Variants in NUBPL observed in about 807,000 individuals in gnomAD.
NUBPL encodes the protein NUBP iron-sulfur cluster assembly factor, mitochondrial.
NUBPL carries 31 observed loss-of-function variants against 45.7 expected under a neutral mutation model. That is an observed-to-expected ratio of 0.68 (90% CI 0.51 to 0.92). The LOEUF (loss-of-function observed/expected upper bound fraction) is 0.92, where lower values mean the gene tolerates loss of function less well. Ranked by LOEUF, NUBPL falls within the 40% of genes least tolerant of loss-of-function variation. The pLI is 0.00. For missense variants in NUBPL, 401 were observed against 398.7 expected (o/e 1.01, Z -0.05); for synonymous variants, 144 against 140.9 (o/e 1.02, Z -0.15).
chr14:31,809,686 C>G (rs2039762086), intron 7 of NUBPL, among the ~76,000 whole-genome samples: 2 of 152,124 alleles, frequency 1.3e-5, no homozygotes, highest in South Asian at 4.1e-4. Flanking sequence ...TCTTGCTTCT[C>G]TAGTTCTTTT....
intron 3 of NUBPL, among the ~76,000 whole-genome samples, chr14:31,596,804 A>G (rs1440237502): frequency 6.6e-6 from 1 of 152,186 alleles, no homozygotes; most frequent in Non-Finnish European, 1.5e-5. Context: ...TTTCTCATTC[A>G]TGAGTATGGA....
intron 4 of NUBPL, 126 bp from the exon 5 acceptor site, chr14:31,673,229 C>A (rs899234048): frequency 3.3e-5 from 23 of 706,072 alleles, no homozygotes; most frequent in Non-Finnish European, 5.2e-5. Flanking sequence ...TTACGTTGTA[C>A]CCCGTAAACA....
intron 7 of NUBPL, among the ~76,000 whole-genome samples, chr14:31,810,070 G>T (rs931417575): frequency 2.4e-4 from 37 of 152,206 alleles, no homozygotes; most frequent in African/African-American, 8.0e-4. Flanking sequence ...GTGTGATGTG[G>T]TGCTGAGAAG....
chr14:31,764,312 A>G (rs190091429), intron 6 of NUBPL, among the ~76,000 whole-genome samples: 119 of 152,246 alleles, frequency 7.8e-4, no homozygotes, highest in African/African-American at 1.8e-3. Flanking sequence ...AACTGAGATG[A>G]TTTTCACCAA....
chr14:31,709,852 T>G (rs959788147), intron 6 of NUBPL, among the ~76,000 whole-genome samples: 1 of 152,080 alleles, frequency 6.6e-6, no homozygotes, highest in African/African-American at 2.4e-5. Flanking sequence ...CAGGGGAGAT[T>G]AGAGGAGGAT....
intron 4 of NUBPL, among the ~76,000 whole-genome samples, chr14:31,661,310 T>G (rs192231236): frequency 1.5e-3 from 224 of 152,356 alleles, no homozygotes; most frequent in Middle Eastern, 0.014. Context: ...TTCAAAAAGC[T>G]ATTATTCACA....
chr14:31,683,278 A>G (rs2036875473), intron 6 of NUBPL, among the ~76,000 whole-genome samples: 1 of 151,672 alleles, frequency 6.6e-6, no homozygotes, highest in African/African-American at 2.4e-5. Flanking sequence ...TTTTAACTAT[A>G]CATCCATTAT....
intron 4 of NUBPL, among the ~76,000 whole-genome samples, chr14:31,657,877 A>G (rs1321309257): frequency 6.6e-6 from 1 of 152,304 alleles, no homozygotes; most frequent in Non-Finnish European, 1.5e-5. Context: ...AGAATTTGCT[A>G]CTTCAAAAAC....
Position 31,562,094 on chromosome 14 carries a change from A to G in NUBPL, c.135A>G (p.Leu45=), listed in dbSNP as rs1555310841. Residue 45 remains leucine, a synonymous_variant, in exon 2 of 11, where the codon CTA becomes CTG. Transcript: ENST00000281081. Reference sequence around the variant, plus strand: ...TGTCTGGCGCCGGGAGTGAGACCCTAAAACAAAGAAGAACACAAATCATGT... The same window carrying G: ...TGTCTGGCGCCGGGAGTGAGACCCTGAAACAAAGAAGAACACAAATCATGT... ...RQLSGAGSET[L]KQRRTQIMSR... 1 of 1,609,080 alleles carries G rather than the reference A, an allele frequency of 6.2e-7. No homozygotes were observed. The highest frequency in any genetic ancestry group is 8.5e-7 in the Non-Finnish European group (1 of 1,177,094).
rs577825258 is a variant in NUBPL at position 31,668,581 on chromosome 14, G to T, written c.383-4774G>T. The stretch of plus-strand genomic sequence containing the variant: ...GAGTGAACGGTTCTGTCACACTGGG[G>T]TTCCAGGTGCCATTGGGGTATGAAA... On this transcript the variant is annotated intron_variant, in intron 4 of 10. Transcript: ENST00000281081. 5.3e-5 allele frequency among the ~76,000 whole-genome samples: 8 copies of T among 152,280 alleles called. No individual in the cohort carries two copies. In the East Asian group the frequency reaches 1.5e-3, roughly 29 times the overall value.
chr14:31,655,239 G>A lies in NUBPL; in HGVS notation c.383-18116G>A, dbSNP rs138949565. Among the ~76,000 whole-genome samples the A allele has an allele frequency of 3.9e-5, 6 of 152,304 alleles. No homozygotes were observed. In the East Asian group the frequency reaches 1.2e-3, roughly 29 times the overall value. Reference sequence around the variant, plus strand: ...GTTAGAGGAATTACTATCTATGGCAGCTTTAGCCTTATGAAGTGTATTTCT... The same window carrying A: ...GTTAGAGGAATTACTATCTATGGCAACTTTAGCCTTATGAAGTGTATTTCT... On this transcript the variant is annotated intron_variant, in intron 4 of 10. Transcript: ENST00000281081.
chr14:31,806,801 G>C, intron 7 of NUBPL, among the ~76,000 whole-genome samples: 1 of 152,134 alleles, frequency 6.6e-6, no homozygotes, highest in Non-Finnish European at 1.5e-5. Flanking sequence ...GCCCAGGTAT[G>C]TGATGTTCCC....
intron 7 of NUBPL, among the ~76,000 whole-genome samples, chr14:31,824,092 A>G (rs998984930): frequency 5.9e-5 from 9 of 152,142 alleles, no homozygotes; most frequent in Non-Finnish European, 1.0e-4. Context: ...AATATATGTA[A>G]TAATGATATT....
At chr14:31,764,833 G>A (rs891435907) in intron 6 of NUBPL, among the ~76,000 whole-genome samples, 2 of 152,152 alleles carry the variant, frequency 1.3e-5, no homozygotes, top group African/African-American at 4.8e-5. Context: ...TTAGCAAGTT[G>A]CAAAGTGCTG....
intron 4 of NUBPL, among the ~76,000 whole-genome samples, chr14:31,608,685 T>C (rs2034670390): frequency 1.3e-5 from 2 of 152,220 alleles, no homozygotes; most frequent in African/African-American, 4.8e-5. Flanking sequence ...ATTGTAACTA[T>C]GTGTGTAATC....
intron 6 of NUBPL, among the ~76,000 whole-genome samples, chr14:31,786,712 T>C (rs1299020070): frequency 1.3e-5 from 2 of 152,316 alleles, no homozygotes; most frequent in South Asian, 2.1e-4. Context: ...AGAAACACTT[T>C]AATGAGAGTT....
At chr14:31,567,408 G>A (rs1168224677) in intron 3 of NUBPL, among the ~76,000 whole-genome samples, 7 of 152,196 alleles carry the variant, frequency 4.6e-5, no homozygotes, top group Admixed American at 4.6e-4. Flanking sequence ...TTTGTGATGT[G>A]TTTGTTCTGT....
chr14:31,829,442 TCATGATTAGCTA>T (rs1450660751), intron 8 of NUBPL, among the ~76,000 whole-genome samples: 1 of 152,134 alleles, frequency 6.6e-6, no homozygotes, highest in Non-Finnish European at 1.5e-5. Flanking sequence ...AGTTGGGCAA[TCATGATTAGCTA>T]CATTGTAAAG....
At chr14:31,698,332 C>T (rs10135589) in intron 6 of NUBPL, among the ~76,000 whole-genome samples, 83,434 of 151,316 alleles carry the variant, frequency 0.55, 25,195 homozygotes, top group African/African-American at 0.82. Context: ...TGCTGCAGAG[C>T]GATTCTACGT....
Sources: allele counts gnomAD v4.1 joint callset (sites outside exome capture counted in the v4.1 genomes callset), GRCh38; gene constraint gnomAD v4.1.1; transcripts MANE v1.5; gene names NCBI Gene and HGNC (gene_info 2026-07-23, HGNC 2026-07-21).